Variants in ELMO1 observed in about 807,000 individuals in gnomAD.
ELMO1 encodes engulfment and cell motility 1.
ELMO1 carries 26 observed loss-of-function variants against 98.9 expected under a neutral mutation model. That is an observed-to-expected ratio of 0.26 (90% CI 0.19 to 0.36). ELMO1 has a LOEUF of 0.36. Ranked by LOEUF, ELMO1 falls within the 10% of genes least tolerant of loss-of-function variation. The probability of loss-of-function intolerance (pLI) is 1.00; values close to 1 mark genes in which losing one functional copy is unlikely to be tolerated. For missense variants in ELMO1, 627 were observed against 935.2 expected (o/e 0.67, Z 4.30); for synonymous variants, 346 against 346.0 (o/e 1.00, Z 0.00).
chr7:37,080,711 A>G (rs1485640316), intron 15 of ELMO1, among the ~76,000 whole-genome samples: 1 of 147,082 alleles, frequency 6.8e-6, no homozygotes, highest in African/African-American at 2.5e-5. Flanking sequence ...TCACCTTCTC[A>G]AAGTGCTGGA....
chr7:37,000,529 C>G (rs1224253755), intron 16 of ELMO1, among the ~76,000 whole-genome samples: 2 of 152,166 alleles, frequency 1.3e-5, no homozygotes, highest in Non-Finnish European at 2.9e-5. Context: ...AAGGGGGATG[C>G]ATTTTTTCCC....
intron 1 of ELMO1, among the ~76,000 whole-genome samples, chr7:37,412,778 C>G (rs987703): frequency 0.17 from 25,464 of 152,158 alleles, 2,310 homozygotes; most frequent in South Asian, 0.26. Context: ...GATTGTCTCT[C>G]CCTGAAACTT....
At chr7:36,858,587 CAG>C (rs1189083163) in intron 21 of ELMO1, among the ~76,000 whole-genome samples, 1 of 152,164 alleles carries the variant, frequency 6.6e-6, no homozygotes, top group Non-Finnish European at 1.5e-5. Context: ...GACCTTAAAA[CAG>C]AGATTATCTT....
At chr7:37,075,009 C>T (rs1454571849) in intron 15 of ELMO1, among the ~76,000 whole-genome samples, 1 of 152,140 alleles carries the variant, frequency 6.6e-6, no homozygotes, top group Non-Finnish European at 1.5e-5. Context: ...TCTCATGCCG[C>T]ACTTATTCCC....
At chr7:37,375,956 C>A (rs1440971332) in intron 1 of ELMO1, 3 of 610,598 alleles carry the variant, frequency 4.9e-6, no homozygotes, top group Non-Finnish European at 8.9e-6. Flanking sequence ...GAGGCTGGGG[C>A]TGGGTCAGCA....
chr7:37,382,515 G>A (rs531189766), intron 1 of ELMO1, among the ~76,000 whole-genome samples: 2 of 152,038 alleles, frequency 1.3e-5, no homozygotes, highest in Admixed American at 1.3e-4. Flanking sequence ...CTCACTATCT[G>A]CCTGAAAGCA....
At chr7:36,863,429 C>T (rs578191728) in intron 20 of ELMO1, among the ~76,000 whole-genome samples, 1 of 152,116 alleles carries the variant, frequency 6.6e-6, no homozygotes, top group East Asian at 1.9e-4. Flanking sequence ...ACTATAAATT[C>T]ATATCATTCT....
intron 2 of ELMO1, among the ~76,000 whole-genome samples, chr7:37,334,422 G>T (rs1204251324): frequency 6.6e-6 from 1 of 151,996 alleles, no homozygotes; most frequent in Non-Finnish European, 1.5e-5. Context: ...CTCCAGCCGG[G>T]GCAACAAGAG....
At chr7:37,133,043 T>C in intron 14 of ELMO1, 87 bp downstream of exon 14, 2 of 977,038 alleles carry the variant, frequency 2.0e-6, no homozygotes, top group Non-Finnish European at 2.9e-6. Context: ...GGGTCACTCA[T>C]CTAAAGGTAA....
intron 20 of ELMO1, among the ~76,000 whole-genome samples, chr7:36,869,510 T>C (rs537516977): frequency 6.6e-6 from 1 of 152,222 alleles, no homozygotes; most frequent in East Asian, 1.9e-4. Context: ...CCCTCTTAGA[T>C]ACTGACACTG....
chr7:37,094,803 G>A (rs1784288819), intron 15 of ELMO1, among the ~76,000 whole-genome samples: 1 of 152,190 alleles, frequency 6.6e-6, no homozygotes, highest in Non-Finnish European at 1.5e-5. Context: ...ATTCTGCTCT[G>A]GAGAGAACCT....
intron 13 of ELMO1, among the ~76,000 whole-genome samples, chr7:37,173,895 C>T (rs1032870015): frequency 6.6e-6 from 1 of 152,170 alleles, no homozygotes. Flanking sequence ...CCCCAAGCCC[C>T]AGCAATTCCA....
At position 37,179,188 on chromosome 7, in the gene ELMO1, T is replaced by C. The variant is rs1790686758; in HGVS notation, c.1086+32198A>G. Among the ~76,000 whole-genome samples, 4 of 152,244 alleles carry C rather than the reference T, an allele frequency of 2.6e-5. No individual in the cohort carries two copies. The South Asian group carries it at 8.3e-4, about 32-fold the overall frequency. On this transcript the variant is annotated intron_variant, in intron 13 of 21. Transcript: ENST00000310758. ...TTAAGAAAAAAAGGCAACAGATAAT[T>C]TTTTTCTTAGAGGGAACAGACTGGC...
intron 14 of ELMO1, among the ~76,000 whole-genome samples, chr7:37,130,352 G>A (rs143592321): frequency 2.8e-4 from 43 of 152,270 alleles, no homozygotes; most frequent in African/African-American, 1.0e-3. Context: ...CAGCCTGAGG[G>A]ACTGAGACAA....
At chr7:36,948,145 A>G (rs1787658792) in intron 16 of ELMO1, among the ~76,000 whole-genome samples, 1 of 152,176 alleles carries the variant, frequency 6.6e-6, no homozygotes, top group Non-Finnish European at 1.5e-5. Flanking sequence ...ACTTGATTTT[A>G]TATAAAATAT....
At chr7:37,273,147 A>C (rs1207574513) in intron 4 of ELMO1, among the ~76,000 whole-genome samples, 1 of 152,242 alleles carries the variant, frequency 6.6e-6, no homozygotes, top group Non-Finnish European at 1.5e-5. Flanking sequence ...GCAGCTCTCC[A>C]ATCAGTCTGC....
intron 14 of ELMO1, among the ~76,000 whole-genome samples, chr7:37,127,654 G>A (rs1484370775): frequency 3.3e-5 from 5 of 152,298 alleles, no homozygotes; most frequent in Non-Finnish European, 7.4e-5. Flanking sequence ...ACGGGAAGGT[G>A]AATATTACCA....
intron 6 of ELMO1, among the ~76,000 whole-genome samples, chr7:37,245,292 C>G (rs1329498998): frequency 6.6e-6 from 1 of 152,140 alleles, no homozygotes; most frequent in Non-Finnish European, 1.5e-5. Context: ...ATCTCACTGT[C>G]CTTCTAGCTG....
At chr7:37,241,767 T>C (rs1794775971) in intron 7 of ELMO1, among the ~76,000 whole-genome samples, 1 of 152,168 alleles carries the variant, frequency 6.6e-6, no homozygotes, top group Admixed American at 6.6e-5. Flanking sequence ...TGTAGTGTAG[T>C]TGCTCTTATA....
Sources: allele counts gnomAD v4.1 joint callset (sites outside exome capture counted in the v4.1 genomes callset), GRCh38; gene constraint gnomAD v4.1.1; transcripts MANE v1.5; gene names NCBI Gene and HGNC (gene_info 2026-07-23, HGNC 2026-07-21).